The following ENTPD1 variants were observed in gnomAD, a reference collection of about 807,000 sequenced individuals.
The protein encoded by ENTPD1 is ATP diphosphohydrolase.
Under a neutral mutation model 57.0 loss-of-function variants are expected in ENTPD1, and 33 were observed. The ratio of observed to expected loss-of-function variants is 0.58; its 90% confidence interval spans 0.44 to 0.77. ENTPD1 has a LOEUF of 0.77. Among genes scored for constraint, ENTPD1 ranks in the 30% least tolerant of loss-of-function variants. ENTPD1 has a pLI of 0.00. For missense variants in ENTPD1, 501 were observed against 603.4 expected, an observed-to-expected ratio of 0.83 and a Z score of 1.78; for synonymous variants, 202 against 218.8, an observed-to-expected ratio of 0.92 and a Z score of 0.68.
At chr10:95,756,136 A>G, upstream of ENTPD1, 4 of 1,551,496 alleles carry the variant, frequency 2.6e-6, no homozygotes, top group East Asian at 2.4e-5. Flanking sequence ...GGTCTGTTAT[A>G]TCTCTGTTTC....
chr10:95,720,076 G>A (rs573094420), intron 1 of ENTPD1, among the ~76,000 whole-genome samples: 2 of 152,230 alleles, frequency 1.3e-5, no homozygotes, highest in East Asian at 3.9e-4. Flanking sequence ...TAAAATTGGA[G>A]TATTGCAGGG....
chr10:95,701,334 A>G, the ENTPD1 span, among the ~76,000 whole-genome samples: 1 of 152,246 alleles, frequency 6.6e-6, no homozygotes, highest in Non-Finnish European at 1.5e-5. Context: ...AGTGAATTAT[A>G]TTTGAGGGCA....
chr10:95,871,124 A>C lies in ENTPD1; in HGVS notation c.*4741A>C. On this transcript the variant is annotated 3_prime_UTR_variant, in exon 10 of 10. Coordinates refer to ENST00000371205, the MANE Select transcript of ENTPD1 (RefSeq NM_001776.6). ...GTAAGTCATATGAGCAAGCTCAATA[A>C]AATATAAACAAGTCAGATAAACAGT... 12 of 985,484 alleles carry C rather than the reference A, an allele frequency of 1.2e-5. No individual in the cohort carries two copies. Among genetic ancestry groups the C allele is most frequent in the Non-Finnish European group, 1.4e-5 (12 of 829,932 alleles). The allele number at this position is 985,484 out of a possible 1,614,324, so 61.0% of individuals were successfully genotyped here.
In ENTPD1 at chr10:95,867,493, T is replaced by A; in HGVS notation, c.*1110T>A. On this transcript the variant is annotated 3_prime_UTR_variant, in exon 10 of 10. Transcript: ENST00000371205. Reference sequence around the variant, plus strand: ...CTTATTTTTCCAAGGTTTAATTTAGTGAGAGGGCAGCATTAGTGTGGAGTG... The same window carrying A: ...CTTATTTTTCCAAGGTTTAATTTAGAGAGAGGGCAGCATTAGTGTGGAGTG... 1.0e-6 allele frequency: 1 copy of A among 985,504 alleles called. No homozygotes were observed. Among genetic ancestry groups the A allele is most frequent in the Non-Finnish European group, 1.2e-6 (1 of 829,936 alleles). 61.0% of individuals were successfully genotyped at this position (985,504 alleles called of 1,614,324 possible). A position where few individuals can be genotyped will look rare whatever the true frequency, so the allele number is the denominator to read the frequency against.
chr10:95,781,328 A>G (rs2098156960), intron 1 of ENTPD1, among the ~76,000 whole-genome samples: 1 of 152,152 alleles, frequency 6.6e-6, no homozygotes, highest in Non-Finnish European at 1.5e-5. Flanking sequence ...AAGAATGAAT[A>G]AGACCTAGTA....
chr10:95,764,609 G>T (rs1417311604), intron 1 of ENTPD1, among the ~76,000 whole-genome samples: 1 of 151,834 alleles, frequency 6.6e-6, no homozygotes, highest in Non-Finnish European at 1.5e-5. Context: ...TCTCATTGAG[G>T]TTTTGATTTG....
intron 1 of ENTPD1, among the ~76,000 whole-genome samples, chr10:95,712,517 A>G (rs1265711842): frequency 6.6e-6 from 1 of 152,226 alleles, no homozygotes; most frequent in African/African-American, 2.4e-5. Context: ...GGCTGGTCAC[A>G]TAAGATTTTA....
chr10:95,704,456 T>A, the ENTPD1 span, among the ~76,000 whole-genome samples: 1 of 152,036 alleles, frequency 6.6e-6, no homozygotes, highest in Admixed American at 6.6e-5. Flanking sequence ...AACAAATAGA[T>A]CAATGGAAAA....
the ENTPD1 span, among the ~76,000 whole-genome samples, chr10:95,697,029 T>C: frequency 6.6e-6 from 1 of 152,178 alleles, no homozygotes; most frequent in Non-Finnish European, 1.5e-5. Context: ...CCAGACATTA[T>C]AAGAATACTT....
intron 1 of ENTPD1, among the ~76,000 whole-genome samples, chr10:95,757,061 C>T (rs1019266723): frequency 1.3e-5 from 2 of 152,210 alleles, no homozygotes; most frequent in Non-Finnish European, 1.5e-5. Flanking sequence ...ATCTCTGCAG[C>T]AGTGAGGGAG....
chr10:95,787,069 T>C (rs1047759111), intron 1 of ENTPD1, among the ~76,000 whole-genome samples: 1 of 152,196 alleles, frequency 6.6e-6, no homozygotes, highest in African/African-American at 2.4e-5. Flanking sequence ...TCTTTGGTTT[T>C]GTTTTCAATT....
chr10:95,768,719 T>C (rs147660687), intron 1 of ENTPD1, among the ~76,000 whole-genome samples: 128 of 152,328 alleles, frequency 8.4e-4, no homozygotes, highest in Non-Finnish European at 4.0e-4. Flanking sequence ...CATCCTCTTG[T>C]ACAGAGTTCA....
At chr10:95,738,568 C>T (rs1017316812) in intron 1 of ENTPD1, among the ~76,000 whole-genome samples, 15 of 152,126 alleles carry the variant, frequency 9.9e-5, no homozygotes, top group Non-Finnish European at 1.5e-4. Flanking sequence ...AGGCAAAATT[C>T]GTCAGAGAAA....
intron 1 of ENTPD1, among the ~76,000 whole-genome samples, chr10:95,740,497 C>A (rs2097999227): frequency 6.6e-6 from 1 of 152,170 alleles, no homozygotes; most frequent in Non-Finnish European, 1.5e-5. Flanking sequence ...CTTAAAGTCA[C>A]CAGCTTCATT....
upstream of ENTPD1, among the ~76,000 whole-genome samples, chr10:95,752,548 T>C (rs2098013730): frequency 6.6e-6 from 1 of 151,870 alleles, no homozygotes; most frequent in Non-Finnish European, 1.5e-5. Flanking sequence ...TCCCAGCTAC[T>C]CGGGAGGCTG....
At chr10:95,768,196 C>A (rs963730160) in intron 1 of ENTPD1, among the ~76,000 whole-genome samples, 2 of 152,196 alleles carry the variant, frequency 1.3e-5, no homozygotes, top group East Asian at 3.8e-4. Flanking sequence ...GGTTTTTGTT[C>A]CCCATTTCTG....
chr10:95,770,577 G>A (rs2140093446), intron 1 of ENTPD1, among the ~76,000 whole-genome samples: 1 of 152,212 alleles, frequency 6.6e-6, no homozygotes, highest in Non-Finnish European at 1.5e-5. Flanking sequence ...AAAGCCAGAG[G>A]CCTTTCAGGG....
chr10:95,845,413 A>G lies in ENTPD1; in HGVS notation c.630A>G (p.Gly210=). 6.2e-7 allele frequency: 1 copy of G among 1,614,180 alleles called. No homozygotes were observed. Among genetic ancestry groups the G allele is most frequent in the Non-Finnish European group, 8.5e-7 (1 of 1,180,034 alleles). The part of the protein sequence containing the change: ...PYETNNQETF[G]ALDLGGASTQ... The stretch of plus-strand genomic sequence containing the variant: ...AAACCAATAATCAGGAAACCTTTGG[A>G]GCTTTGGACCTTGGGGGAGCCTCTA... Residue 210 remains glycine, a synonymous_variant, in exon 6 of 10, where the codon GGA becomes GGG. Coordinates refer to ENST00000371205, the MANE Select transcript of ENTPD1 (RefSeq NM_001776.6).
At chr10:95,755,647 G>A (rs1274263081), upstream of ENTPD1, 17 of 1,526,160 alleles carry the variant, frequency 1.1e-5, no homozygotes, top group Non-Finnish European at 1.4e-5. Context: ...TCATCGCTTG[G>A]GTCACCTGTT....
Sources: allele counts gnomAD v4.1 joint callset (sites outside exome capture counted in the v4.1 genomes callset), GRCh38; gene constraint gnomAD v4.1.1; transcripts MANE v1.5; gene names NCBI Gene and HGNC (gene_info 2026-07-23, HGNC 2026-07-21).